COG5: variants seen among roughly 807,000 people sequenced by gnomAD.
The protein encoded by COG5 is component of oligomeric golgi complex 5, also known as conserved oligomeric Golgi complex subunit 5.
Under a neutral mutation model 110.4 loss-of-function variants are expected in COG5, and 86 were observed. The ratio of observed to expected loss-of-function variants is 0.78; its 90% CI spans 0.65 to 0.93. The LOEUF (loss-of-function observed/expected upper bound fraction) is 0.93. Among genes scored for constraint, COG5 ranks in the 40% least tolerant of loss-of-function variants. The pLI is 0.00. For synonymous variants in COG5, 360 were observed against 334.6 expected (o/e 1.08, Z -0.83); for missense variants, 1,077 against 987.0 (o/e 1.09, Z -1.22).
chr7:107,464,578 A>G lies in COG5; in HGVS notation c.539-51946T>C, dbSNP rs573082845. 3.3e-5 allele frequency among the ~76,000 whole-genome samples: 5 copies of G among 152,294 alleles called. No homozygotes were observed. The South Asian group carries it at 6.2e-4, about 19-fold the overall frequency. ...ATAAGAGCCCTGTCATTTCTCTTTC[A>G]GGAAACCTTATCTCTGTCAACATCA... On this transcript the variant is annotated intron_variant, in intron 6 of 21. Transcript: ENST00000297135.
At chr7:107,319,029 TAA>T (rs1172704659) in intron 11 of COG5, among the ~76,000 whole-genome samples, 2 of 152,184 alleles carry the variant, frequency 1.3e-5, no homozygotes, top group African/African-American at 4.8e-5. Context: ...AATAATTTTT[TAA>T]GTTTGTTTTT....
intron 18 of COG5, among the ~76,000 whole-genome samples, chr7:107,231,600 C>T (rs764560611): frequency 1.3e-5 from 2 of 152,146 alleles, no homozygotes; most frequent in Non-Finnish European, 2.9e-5. Flanking sequence ...ATAGGCTGCT[C>T]CCTGATAGTA....
Position 107,504,723 on chromosome 7 carries a change from C to T in COG5, c.538+22514G>A, listed in dbSNP as rs1798857449. On this transcript the variant is annotated intron_variant, in intron 6 of 21. Coordinates refer to ENST00000297135, the MANE Select transcript of COG5 (RefSeq NM_006348.5). ...GGTTTCTATTTCTTCCGGATTTAAT[C>T]TAGGAGGGTTGTATGTTTCCAGGAA... 2.6e-5 allele frequency among the ~76,000 whole-genome samples: 4 copies of T among 152,194 alleles called. No homozygotes were observed. The South Asian group carries it at 8.3e-4, about 32-fold the overall frequency.
At chr7:107,243,597 T>A (rs1801820861) in intron 17 of COG5, among the ~76,000 whole-genome samples, 1 of 148,944 alleles carries the variant, frequency 6.7e-6, no homozygotes, top group African/African-American at 2.5e-5. Context: ...CCAATGACAG[T>A]ATTAGATAGA....
intron 10 of COG5, among the ~76,000 whole-genome samples, chr7:107,335,918 A>G (rs932365749): frequency 3.3e-5 from 5 of 152,206 alleles, no homozygotes; most frequent in Non-Finnish European, 7.3e-5. Flanking sequence ...AAAAAGATAT[A>G]TAACAATTAT....
chr7:107,389,494 C>T (rs1790457300), intron 7 of COG5, among the ~76,000 whole-genome samples: 3 of 152,190 alleles, frequency 2.0e-5, no homozygotes, highest in Non-Finnish European at 4.4e-5. Context: ...TGCAGGTGGC[C>T]TCAAACCAGG....
chr7:107,372,515 A>C, intron 8 of COG5, 80 bp downstream of exon 8: 2 of 1,376,798 alleles, frequency 1.5e-6, no homozygotes, highest in Admixed American at 1.7e-5. Context: ...TTGCTTTGAA[A>C]CATGAGTGTT....
At chr7:107,208,396 C>T in intron 21 of COG5, 1 of 985,414 alleles carries the variant, frequency 1.0e-6, no homozygotes, top group Non-Finnish European at 1.2e-6. Flanking sequence ...GTACACACAG[C>T]AGGACAACTG....
intron 19 of COG5, among the ~76,000 whole-genome samples, chr7:107,220,659 A>G (rs1799847075): frequency 6.6e-6 from 1 of 152,136 alleles, no homozygotes; most frequent in Non-Finnish European, 1.5e-5. Flanking sequence ...TAACCTGCTC[A>G]TTGTGACGAG....
intron 6 of COG5, among the ~76,000 whole-genome samples, chr7:107,514,815 T>C (rs1799803383): frequency 6.6e-6 from 1 of 152,206 alleles, no homozygotes; most frequent in Admixed American, 6.5e-5. Context: ...AGTTTTATGA[T>C]AAAAGAATGA....
At chr7:107,209,173 G>A in intron 21 of COG5, 1 of 985,472 alleles carries the variant, frequency 1.0e-6, no homozygotes, top group Non-Finnish European at 1.2e-6. Context: ...GGTGCAGTGG[G>A]CCCAGACCAA....
intron 10 of COG5, among the ~76,000 whole-genome samples, chr7:107,337,168 A>G (rs7783181): frequency 0.2 from 31,054 of 152,082 alleles, 3,288 homozygotes; most frequent in Non-Finnish European, 0.22. Context: ...GTGAGGATGC[A>G]GGGAAAAAGG....
intron 6 of COG5, among the ~76,000 whole-genome samples, chr7:107,498,226 T>C (rs1015063436): frequency 6.6e-5 from 10 of 152,150 alleles, no homozygotes; most frequent in Admixed American, 3.9e-4. Flanking sequence ...GTCTTGGCAA[T>C]GATTTCACAG....
chr7:107,322,337 C>A (rs78440378), intron 11 of COG5, among the ~76,000 whole-genome samples: 24,496 of 152,148 alleles, frequency 0.16, 2,365 homozygotes, highest in Non-Finnish European at 0.22. Context: ...GTCTATGAAC[C>A]AGGAAGCAGG....
intron 10 of COG5, among the ~76,000 whole-genome samples, chr7:107,342,544 G>C (rs192975044): frequency 4.6e-5 from 7 of 152,108 alleles, no homozygotes; most frequent in South Asian, 4.2e-4. Context: ...TGGGCATGGT[G>C]GTGGGCACCT....
At chr7:107,338,839 A>G (rs886570898) in intron 10 of COG5, among the ~76,000 whole-genome samples, 2 of 152,282 alleles carry the variant, frequency 1.3e-5, no homozygotes, top group Non-Finnish European at 1.5e-5. Flanking sequence ...GCTAACAAGC[A>G]TAAGAACAGA....
chr7:107,508,321 A>C (rs1013939797), intron 6 of COG5, among the ~76,000 whole-genome samples: 4 of 152,220 alleles, frequency 2.6e-5, no homozygotes, highest in East Asian at 1.9e-4. Flanking sequence ...AGGCAGCAGC[A>C]AGGCTGGGGG....
At position 107,458,216 on chromosome 7, in the gene COG5, C is replaced by G. The variant is rs113881306; in HGVS notation, c.539-45584G>C. Reference sequence around the variant, plus strand: ...ACAGAAAGAATTTGTTGCAAACAACCCTGCACTACAAAAGCTGTCACAGTA... The same window carrying G: ...ACAGAAAGAATTTGTTGCAAACAACGCTGCACTACAAAAGCTGTCACAGTA... On this transcript the variant is annotated intron_variant, in intron 6 of 21. Transcript: ENST00000297135. Among the ~76,000 whole-genome samples the G allele has an allele frequency of 6.6e-5, 10 of 152,108 alleles. 3 individuals carry two copies. The highest frequency in any genetic ancestry group is 2.4e-4 in the African/African-American group (10 of 41,482).
chr7:107,377,135 A>G (rs924355735), intron 7 of COG5, among the ~76,000 whole-genome samples: 5 of 152,200 alleles, frequency 3.3e-5, no homozygotes, highest in African/African-American at 7.2e-5. Context: ...TACAGTTTAC[A>G]TAACACTGGT....
Sources: allele counts gnomAD v4.1 joint callset (sites outside exome capture counted in the v4.1 genomes callset), GRCh38; gene constraint gnomAD v4.1.1; transcripts MANE v1.5; gene names NCBI Gene and HGNC (gene_info 2026-07-23, HGNC 2026-07-21).